ZNF341: variants seen among roughly 807,000 people sequenced by gnomAD.
ZNF341 encodes zinc finger protein 341.
Under a neutral mutation model 87.7 loss-of-function variants are expected in ZNF341, and 52 were observed. The ratio of observed to expected loss-of-function variants is 0.59; its 90% confidence interval spans 0.47 to 0.75. The LOEUF (loss-of-function observed/expected upper bound fraction) is 0.75, where lower values mean the gene tolerates loss of function less well. Among genes scored for constraint, ZNF341 ranks in the 30% least tolerant of loss-of-function variants. The pLI is 0.00. For missense variants in ZNF341, 977 were observed against 1,145.9 expected, an observed-to-expected ratio of 0.85 and a Z score of 2.13; for synonymous variants, 459 against 472.7, an observed-to-expected ratio of 0.97 and a Z score of 0.38.
At position 33,732,311 on chromosome 20, in the gene ZNF341, C is replaced by A. The variant is rs940076444; in HGVS notation, c.31+259C>A. Among the ~76,000 whole-genome samples the A allele has an allele frequency of 2.7e-5, 4 of 150,354 alleles. No individual in the cohort carries two copies. Among genetic ancestry groups the A allele is most frequent in the African/African-American group, 7.3e-5 (3 of 40,946 alleles). Reference sequence around the variant, plus strand: ...GGGTCCGGAACAGCGCCAGCCTGGGCGGCCTTGGGCGGGCGCGGGAGGGGC... The same window carrying A: ...GGGTCCGGAACAGCGCCAGCCTGGGAGGCCTTGGGCGGGCGCGGGAGGGGC... On this transcript the variant is annotated intron_variant, in intron 1 of 14. Coordinates refer to ENST00000375200, the MANE Select transcript of ZNF341 (RefSeq NM_001282933.2). The surrounding 1 kb of genome is among the most constrained non-coding windows in gnomAD (Gnocchi z 4.5).
At chr20:33,757,734 A>G (rs925782405) in intron 6 of ZNF341, among the ~76,000 whole-genome samples, 3 of 152,226 alleles carry the variant, frequency 2.0e-5, no homozygotes, top group African/African-American at 7.2e-5. Context: ...CCCAGCTTCT[A>G]GAAGTTCTGT....
intron 6 of ZNF341, 71 bp downstream of exon 6, chr20:33,757,414 T>C (rs1464812291): frequency 7.7e-6 from 10 of 1,306,222 alleles, no homozygotes; most frequent in Non-Finnish European, 1.0e-5. Flanking sequence ...GGTTCTGGTC[T>C]TCCCTTTTAT....
Position 33,781,241 on chromosome 20 carries a change from C to G in ZNF341, c.1623-50C>G, listed in dbSNP as rs1213364483. 2.0e-6 allele frequency: 3 copies of G among 1,486,514 alleles called. No homozygotes were observed. In the African/African-American group the frequency reaches 4.2e-5, roughly 21 times the overall value. 92.1% of individuals were successfully genotyped at this position (1,486,514 alleles called of 1,614,324 possible). On this transcript the variant is annotated intron_variant, in intron 10 of 14. Coordinates refer to ENST00000375200, the MANE Select transcript of ZNF341 (RefSeq NM_001282933.2). ...CCCTGGGGTGGCCGGGGCGCTGCTT[C>G]CTATGCCTGCTGTGTTTCCTCCCTC... is the stretch of plus-strand genomic sequence containing the variant.
chr20:33,764,893 CA>C lies in ZNF341; in HGVS notation c.1223-1957del, dbSNP rs1457126659. On this transcript the variant is annotated intron_variant, in intron 8 of 14. Coordinates refer to ENST00000375200, the MANE Select transcript of ZNF341 (RefSeq NM_001282933.2). ...CCAGACTGGAGTGCAGTGGTGCAAT[CA>C]TAACTCATTGTAGCCTCGAACTCCC... 4.0e-5 allele frequency among the ~76,000 whole-genome samples: 6 copies of C among 151,864 alleles called. No individual in the cohort carries two copies. The East Asian group carries it at 1.2e-3, about 30-fold the overall frequency.
At chr20:33,745,992 G>A (rs1195322785) in intron 3 of ZNF341, among the ~76,000 whole-genome samples, 3 of 147,830 alleles carry the variant, frequency 2.0e-5, no homozygotes, top group African/African-American at 2.5e-5. Context: ...GTGCAGTGGC[G>A]CCATCTCGGC....
chr20:33,791,361 C>T lies in ZNF341; in HGVS notation c.2409C>T (p.Ile803=), dbSNP rs761813140. 3.0e-5 allele frequency: 49 copies of T among 1,612,428 alleles called. No homozygotes were observed. The highest frequency in any genetic ancestry group is 3.7e-5 in the Non-Finnish European group (44 of 1,179,534). ...CAGAGCCGGACGCGGTGCTGTCCAT[C>T]GTTGTGGGTGGTGCGGTGGGCGCGG... ...PFAEPDAVLS[I]VVGGAVGAET... The change falls in exon 15 of 15, where the codon ATC becomes ATT. Residue 803 remains isoleucine (I), a synonymous_variant. Transcript: ENST00000375200.
At chr20:33,770,814 A>G (rs549237195) in intron 10 of ZNF341, among the ~76,000 whole-genome samples, 1 of 152,260 alleles carries the variant, frequency 6.6e-6, no homozygotes, top group Non-Finnish European at 1.5e-5. Context: ...TCTACAAAAT[A>G]AAATACATTT....
At chr20:33,754,177 C>T (rs1297911255) in intron 5 of ZNF341, among the ~76,000 whole-genome samples, 2 of 152,134 alleles carry the variant, frequency 1.3e-5, no homozygotes, top group Non-Finnish European at 2.9e-5. Flanking sequence ...TAGATGCCAC[C>T]TCTTGATGGG....
In ZNF341 at chr20:33,770,176, C is replaced by T; in HGVS notation, c.1506C>T (p.Ser502=). 1 of 1,614,180 alleles carries T rather than the reference C, an allele frequency of 6.2e-7. No individual in the cohort carries two copies. The highest frequency in any genetic ancestry group is 8.5e-7 in the Non-Finnish European group (1 of 1,180,012). The change falls in exon 10 of 15, where the codon AGC becomes AGT. Residue 502 remains serine, a synonymous_variant. Transcript: ENST00000375200. The part of the protein sequence containing the change: ...EHIKSHQEEL[S]YRCHLCGKDF... ...TCAAGAGCCACCAGGAGGAGCTGAG[C>T]TACCGCTGCCACCTCTGCGGCAAGG...
At chr20:33,772,016 A>AAAAAAAAAAAAAAAAG (rs2019543784) in intron 10 of ZNF341, among the ~76,000 whole-genome samples, 1 of 148,352 alleles carries the variant, frequency 6.7e-6, no homozygotes, top group Non-Finnish European at 1.5e-5. Context: ...GTCTTAAAAA[A>AAAAAAAAAAAAAAAAG]AAAAAAAAAA....
intron 8 of ZNF341, among the ~76,000 whole-genome samples, chr20:33,765,622 C>A (rs1337462506): frequency 6.6e-6 from 1 of 152,072 alleles, no homozygotes; most frequent in Non-Finnish European, 1.5e-5. Context: ...TCAAGGGATC[C>A]TCCTTCCTCG....
Position 33,753,573 on chromosome 20 carries a change from A to G in ZNF341, c.741+150A>G, listed in dbSNP as rs1188669341. ...TCCTGGCCTTCATGGGGTGTACCAC[A>G]TCACAGGGGAGAAGGACTTTAATCA... On this transcript the variant is annotated intron_variant, in intron 5 of 14. Coordinates refer to ENST00000375200, the MANE Select transcript of ZNF341 (RefSeq NM_001282933.2). The G allele has an allele frequency of 2.9e-6, 3 of 1,035,416 alleles. No homozygotes were observed. The African/African-American group carries it at 4.8e-5, about 17-fold the overall frequency. The allele number at this position is 1,035,416 out of a possible 1,614,324, so 64.1% of individuals were successfully genotyped here.
At chr20:33,761,631 G>A (rs531791723) in intron 7 of ZNF341, among the ~76,000 whole-genome samples, 33 of 152,200 alleles carry the variant, frequency 2.2e-4, no homozygotes, top group Non-Finnish European at 4.3e-4. Flanking sequence ...ATGGTCAGAG[G>A]AGGGCGGCTC....
rs2122726452 is a variant in ZNF341, at chr20:33,781,278, T to C, written c.1623-13T>C. 6.2e-7 allele frequency: 1 copy of C among 1,610,872 alleles called. No individual in the cohort carries two copies. The highest frequency in any genetic ancestry group is 8.5e-7 in the Non-Finnish European group (1 of 1,177,122). ...GTGTTTCCTCCCTCATCTCTCCTGC[T>C]CCTTCCACTTAGGTGTGTCAAATGT... On this transcript the variant is annotated splice_polypyrimidine_tract_variant and intron_variant, in intron 10 of 14. Coordinates refer to ENST00000375200, the MANE Select transcript of ZNF341 (RefSeq NM_001282933.2).
chr20:33,769,375 TG>T (rs1229929926), intron 9 of ZNF341, among the ~76,000 whole-genome samples: 546 of 5,922 alleles, frequency 0.092, 7 homozygotes, highest in African/African-American at 0.27. Flanking sequence ...GGGGTGGTGG[TG>T]GGGGGGGGGG....
chr20:33,772,229 C>T (rs538891921), intron 10 of ZNF341, among the ~76,000 whole-genome samples: 2 of 152,158 alleles, frequency 1.3e-5, no homozygotes, highest in South Asian at 4.2e-4. Context: ...TTGCCTGCAT[C>T]ATCTGGGAGC....
intron 10 of ZNF341, among the ~76,000 whole-genome samples, chr20:33,770,522 T>G (rs1317778117): frequency 6.6e-6 from 1 of 152,182 alleles, no homozygotes; most frequent in Admixed American, 6.5e-5. Flanking sequence ...GCAGACATTT[T>G]TCCCAAAAAA....
At chr20:33,781,454 C>T (rs958875820) in intron 11 of ZNF341, 67 bp downstream of exon 11, 46 of 1,373,422 alleles carry the variant, frequency 3.3e-5, no homozygotes, top group Non-Finnish European at 4.7e-5. Context: ...GGGTGGGGTG[C>T]ACACCTCACC....
At chr20:33,769,758 A>G (rs2019484117) in intron 9 of ZNF341, among the ~76,000 whole-genome samples, 1 of 152,174 alleles carries the variant, frequency 6.6e-6, no homozygotes, top group South Asian at 2.1e-4. Flanking sequence ...TAAAAATACA[A>G]AAATTAGCTG....
Sources: gnomAD v4.1 joint callset for allele counts (sites outside exome capture counted in the v4.1 genomes callset) on GRCh38, gnomAD v4.1.1 for gene constraint, Gnocchi (gnomAD v3.1) non-coding constraint, MANE v1.5 for transcripts, NCBI Gene and HGNC (gene_info 2026-07-23, HGNC 2026-07-21) for gene names.